Variants in TAAR1 observed in about 807,000 individuals in gnomAD.
TAAR1 encodes trace amine-associated receptor 1.
In TAAR1, 1 loss-of-function variant was observed where a neutral mutation model predicts 1.2. That is an observed-to-expected ratio of 0.81 (90% CI 0.29 to 3.86). The LOEUF (loss-of-function observed/expected upper bound fraction) is 3.86. TAAR1 is among the 30% of genes most tolerant of loss of function. TAAR1 has a pLI of 0.18. For missense variants in TAAR1, 445 were observed against 405.6 expected (o/e 1.10, Z -0.83); for synonymous variants, 153 against 132.2 (o/e 1.16, Z -1.08).
intron 1 of TAAR1, among the ~76,000 whole-genome samples, chr6:132,647,029 A>G (rs1022070279): frequency 1.4e-4 from 22 of 152,156 alleles, no homozygotes; most frequent in Non-Finnish European, 1.5e-5. Flanking sequence ...TTTTTGATAT[A>G]CAGACTAAAG....
chr6:132,652,417 C>T (rs991460905), intron 1 of TAAR1, among the ~76,000 whole-genome samples: 4 of 150,760 alleles, frequency 2.7e-5, no homozygotes, highest in Non-Finnish European at 5.9e-5. Context: ...AGCAATTCTC[C>T]TGCCTCAACC....
rs115689021 is a variant in TAAR1, at chr6:132,644,491, A to G, written c.*493T>C. Among the ~76,000 whole-genome samples, 1 of 152,156 alleles carries G rather than the reference A, an allele frequency of 6.6e-6. No homozygotes were observed. The highest frequency in any genetic ancestry group is 2.4e-5 in the African/African-American group (1 of 41,554). On this transcript the variant is annotated 3_prime_UTR_variant, in exon 2 of 2. Transcript: ENST00000275216. ...GATCAAGATATTTAAGGATTGGAAT[A>G]TATATTAACAATACAAATAAATTAT...
intron 1 of TAAR1, among the ~76,000 whole-genome samples, chr6:132,653,845 A>G (rs1042363907): frequency 6.6e-6 from 1 of 152,314 alleles, no homozygotes; most frequent in East Asian, 1.9e-4. Flanking sequence ...TTAATGTTTC[A>G]TTTGGTTCTT....
rs376911660 is a variant in TAAR1 at position 132,646,123 on chromosome 6, C to A, written c.-120G>T. 89 of 1,154,138 alleles carry A rather than the reference C, an allele frequency of 7.7e-5. No homozygotes were observed. In the South Asian group the frequency reaches 1.4e-3, roughly 19 times the overall value. The allele number at this position is 1,154,138 out of a possible 1,614,324, so 71.5% of individuals were successfully genotyped here. A position where few individuals can be genotyped will look rare whatever the true frequency, so the allele number is the denominator to read the frequency against. On this transcript the variant is annotated 5_prime_UTR_variant, in exon 2 of 2. Coordinates refer to ENST00000275216, the MANE Select transcript of TAAR1 (RefSeq NM_138327.4). ...ATTTTTTATTTGCACATACTTATCC[C>A]AGAAACCTAGGAGGAAAAATAAAAG...
At chr6:132,656,244 A>G (rs6938793) in intron 1 of TAAR1, among the ~76,000 whole-genome samples, 38,768 of 152,114 alleles carry the variant, frequency 0.25, 5,278 homozygotes, top group East Asian at 0.44. Flanking sequence ...TTTTTATAAA[A>G]TGCTTATAAT....
At chr6:132,652,164 AT>A (rs201543741) in intron 1 of TAAR1, among the ~76,000 whole-genome samples, 12,874 of 151,646 alleles carry the variant, frequency 0.085, 619 homozygotes, top group Middle Eastern at 0.19. Flanking sequence ...AAGCTAGGTG[AT>A]TTTTTTTTCC....
chr6:132,656,774 G>A (rs76133619), intron 1 of TAAR1, among the ~76,000 whole-genome samples: 4 of 152,262 alleles, frequency 2.6e-5, no homozygotes, highest in African/African-American at 9.6e-5. Flanking sequence ...CATTTTGGAA[G>A]CCAGAAGGCA....
chr6:132,654,024 A>G (rs1777775467), intron 1 of TAAR1, among the ~76,000 whole-genome samples: 1 of 152,194 alleles, frequency 6.6e-6, no homozygotes, highest in African/African-American at 2.4e-5. Flanking sequence ...TAGTCCTCAA[A>G]TATAGAAAAT....
At chr6:132,653,475 T>G (rs1465255572) in intron 1 of TAAR1, among the ~76,000 whole-genome samples, 1 of 152,236 alleles carries the variant, frequency 6.6e-6, no homozygotes, top group Non-Finnish European at 1.5e-5. Context: ...TTATTCTTTG[T>G]GTGTGTCTGT....
At chr6:132,651,463 A>G (rs956526539) in intron 1 of TAAR1, among the ~76,000 whole-genome samples, 24 of 152,104 alleles carry the variant, frequency 1.6e-4, no homozygotes, top group African/African-American at 5.1e-4. Flanking sequence ...TCTGCTCTCT[A>G]TATATCTAGA....
chr6:132,655,140 A>T (rs1301705949), intron 1 of TAAR1, among the ~76,000 whole-genome samples: 1 of 152,226 alleles, frequency 6.6e-6, no homozygotes, highest in African/African-American at 2.4e-5. Flanking sequence ...CAGCTACTAT[A>T]GAAGCAGGAA....
chr6:132,648,091 G>A (rs1054219857), intron 1 of TAAR1, among the ~76,000 whole-genome samples: 7 of 152,164 alleles, frequency 4.6e-5, no homozygotes, highest in South Asian at 4.2e-4. Context: ...TTTGAATTAC[G>A]ATTATGATTT....
At chr6:132,652,774 T>C (rs1409986656) in intron 1 of TAAR1, among the ~76,000 whole-genome samples, 1 of 151,552 alleles carries the variant, frequency 6.6e-6, no homozygotes, top group African/African-American at 2.4e-5. Flanking sequence ...CTCAAGGACA[T>C]AGCTTCTAAG....
In TAAR1 at chr6:132,645,637, A is replaced by G. The variant is rs756761557; in HGVS notation, c.367T>C (p.Tyr123His). ...TATCTCAGTGGATCACACACAGCAT[A>G]GTAGCGGTCAATGGAGATGAAAGAC... ...HLSFISIDRY[Y>H]AVCDPLRYKA... Residue 123 changes from tyrosine (Y) to histidine (H), a missense_variant, in exon 2 of 2, where the codon TAT (tyrosine) becomes CAT (histidine). By Grantham distance (83) the Tyr-to-His change is moderately conservative. Transcript: ENST00000275216. 6.2e-7 allele frequency: 1 copy of G among 1,613,660 alleles called. No individual in the cohort carries two copies. The highest frequency in any genetic ancestry group is 8.5e-7 in the Non-Finnish European group (1 of 1,179,796).
intron 1 of TAAR1, among the ~76,000 whole-genome samples, chr6:132,649,251 T>A (rs142995790): frequency 2.4e-3 from 371 of 152,286 alleles, no homozygotes; most frequent in Non-Finnish European, 3.9e-3. Flanking sequence ...TTTTTTTAAA[T>A]CTGCTTCCCA....
chr6:132,647,251 G>A (rs1233457656), intron 1 of TAAR1, among the ~76,000 whole-genome samples: 1 of 151,912 alleles, frequency 6.6e-6, no homozygotes, highest in Non-Finnish European at 1.5e-5. Context: ...CTTCACTGAA[G>A]AACCTCAAAG....
At chr6:132,655,376 C>CCT (rs1165975453) in intron 1 of TAAR1, among the ~76,000 whole-genome samples, 1 of 133,356 alleles carries the variant, frequency 7.5e-6, no homozygotes, top group African/African-American at 2.9e-5. Context: ...TTCATTCATT[C>CCT]TTTTTTTTTT....
intron 1 of TAAR1, among the ~76,000 whole-genome samples, chr6:132,647,640 GA>G (rs1367489260): frequency 8.2e-6 from 1 of 121,742 alleles, no homozygotes; most frequent in Non-Finnish European, 1.7e-5. Context: ...AAGAAAGAAA[GA>G]AAGAAAGAAA....
intron 1 of TAAR1, among the ~76,000 whole-genome samples, chr6:132,648,319 T>A (rs1269111827): frequency 6.6e-6 from 1 of 152,034 alleles, no homozygotes. Context: ...TTAAAAACAT[T>A]TCTTCCTGAT....
Sources: gnomAD v4.1 joint callset for allele counts (sites outside exome capture counted in the v4.1 genomes callset) on GRCh38, gnomAD v4.1.1 for gene constraint, MANE v1.5 for transcripts, NCBI Gene and HGNC (gene_info 2026-07-23, HGNC 2026-07-21) for gene names.